The following NTM variants were observed in gnomAD, a reference collection of about 807,000 sequenced individuals.
The protein encoded by NTM is IgLON family member 2.
A neutral mutation model predicts 42.1 loss-of-function variants in NTM; 13 were observed. The observed-to-expected ratio is 0.31, with a 90% CI of 0.20 to 0.49. The LOEUF is 0.49. NTM is among the 20% of genes least tolerant of loss of function. The pLI is 0.99. For synonymous variants in NTM, 187 were observed against 179.2 expected, an observed-to-expected ratio of 1.04 and a Z score of -0.35; for missense variants, 373 against 452.8, an observed-to-expected ratio of 0.82 and a Z score of 1.60.
intron 2 of NTM, among the ~76,000 whole-genome samples, chr11:132,106,132 C>T (rs1222704069): frequency 1.3e-5 from 2 of 152,154 alleles, no homozygotes; most frequent in Non-Finnish European, 2.9e-5. Context: ...GCCATTATCC[C>T]ACATAATATT....
At chr11:131,500,577 ATTTTTTTTT>A (rs71475759) in intron 1 of NTM, among the ~76,000 whole-genome samples, 131 of 76,192 alleles carry the variant, frequency 1.7e-3, no homozygotes, top group African/African-American at 0.01. Context: ...ATATATATAT[ATTTTTTTTT>A]TTTTTTTTTG....
chr11:132,255,729 G>A (rs2139445126), intron 4 of NTM, among the ~76,000 whole-genome samples: 1 of 152,228 alleles, frequency 6.6e-6, no homozygotes, highest in East Asian at 1.9e-4. Context: ...CTGACTCTTG[G>A]CTGGAATGTG....
At chr11:132,108,849 A>G (rs1431093830) in intron 2 of NTM, among the ~76,000 whole-genome samples, 1 of 151,850 alleles carries the variant, frequency 6.6e-6, no homozygotes, top group Non-Finnish European at 1.5e-5. Flanking sequence ...TGCCATCCTT[A>G]CCCCCACTCA....
rs145952632 is a variant in NTM, at chr11:131,455,286, C to T, written c.82+84398C>T. Among the ~76,000 whole-genome samples, 282 of 152,226 alleles carry T rather than the reference C, an allele frequency of 1.9e-3. 2 individuals are homozygous for T. Among genetic ancestry groups the T allele is most frequent in the South Asian group, 0.013 (63 of 4,830 alleles). The stretch of plus-strand genomic sequence containing the variant: ...AGATGCAGGAGGTGTTACGAGTAGA[C>T]GGCCCAAGCGGAGGCTCACCCCAGA... On this transcript the variant is annotated intron_variant, in intron 1 of 8. Coordinates refer to ENST00000683400, the MANE Select transcript of NTM (RefSeq NM_001352005.2).
chr11:131,525,853 G>A (rs1226003003), intron 1 of NTM, among the ~76,000 whole-genome samples: 1 of 152,170 alleles, frequency 6.6e-6, no homozygotes, highest in African/African-American at 2.4e-5. Flanking sequence ...TAATGTGTGT[G>A]TGTGTGTGCA....
At position 132,021,414 on chromosome 11, in the gene NTM, A is replaced by G. The variant is rs182185181; in HGVS notation, c.167+109766A>G. Reference sequence around the variant, plus strand: ...GTTTCTATTGCCTACTTTGTTTTGTATGGGTCACAGTTTCCTCTTTCCTTG... The same window carrying G: ...GTTTCTATTGCCTACTTTGTTTTGTGTGGGTCACAGTTTCCTCTTTCCTTG... On this transcript the variant is annotated intron_variant, in intron 2 of 8. Coordinates refer to ENST00000683400, the MANE Select transcript of NTM (RefSeq NM_001352005.2). 5.7e-4 allele frequency among the ~76,000 whole-genome samples: 86 copies of G among 152,208 alleles called. 1 individual carries two copies. In the Middle Eastern group the frequency reaches 0.01, roughly 18 times the overall value.
At chr11:132,191,638 T>C (rs1755530049) in intron 3 of NTM, among the ~76,000 whole-genome samples, 1 of 152,272 alleles carries the variant, frequency 6.6e-6, no homozygotes, top group African/African-American at 2.4e-5. Flanking sequence ...TACCTCCAAA[T>C]GATCACACTA....
chr11:131,786,407 C>A (rs913633238), intron 1 of NTM, among the ~76,000 whole-genome samples: 2 of 152,140 alleles, frequency 1.3e-5, no homozygotes, highest in Admixed American at 6.5e-5. Context: ...TCTGTGTTTG[C>A]AGTTTGGGTA....
At chr11:131,934,155 A>G (rs766294939) in intron 2 of NTM, among the ~76,000 whole-genome samples, 1 of 152,236 alleles carries the variant, frequency 6.6e-6, no homozygotes, top group Non-Finnish European at 1.5e-5. Flanking sequence ...AAGCAAGAAC[A>G]CAATAAAATG....
At chr11:131,685,448 T>C (rs1041504342) in intron 1 of NTM, among the ~76,000 whole-genome samples, 1 of 152,178 alleles carries the variant, frequency 6.6e-6, no homozygotes, top group Non-Finnish European at 1.5e-5. Flanking sequence ...TCTGATCCCG[T>C]CTGTTTCTGA....
chr11:131,695,597 G>A (rs2075349221), intron 1 of NTM, among the ~76,000 whole-genome samples: 1 of 152,154 alleles, frequency 6.6e-6, no homozygotes. Context: ...GTCCTTTGAA[G>A]TGGGGTGTTT....
intron 2 of NTM, among the ~76,000 whole-genome samples, chr11:131,918,202 C>G (rs571932095): frequency 6.6e-6 from 1 of 152,270 alleles, no homozygotes; most frequent in East Asian, 1.9e-4. Context: ...CACTTTCCAT[C>G]CCCAGGCTGT....
intron 7 of NTM, among the ~76,000 whole-genome samples, chr11:132,319,099 A>G (rs2095501446): frequency 6.6e-6 from 1 of 152,232 alleles, no homozygotes; most frequent in Admixed American, 6.5e-5. Flanking sequence ...GTATTCACAG[A>G]CGTAAAATAG....
intron 7 of NTM, among the ~76,000 whole-genome samples, chr11:132,321,072 G>A (rs1206656208): frequency 1.3e-5 from 2 of 151,832 alleles, no homozygotes; most frequent in African/African-American, 4.8e-5. Context: ...CACAAAGATG[G>A]GGAAAAAACA....
At chr11:131,801,011 C>T (rs1186761044) in intron 1 of NTM, among the ~76,000 whole-genome samples, 3 of 152,094 alleles carry the variant, frequency 2.0e-5, no homozygotes, top group Non-Finnish European at 2.9e-5. Context: ...TGTTGGGACT[C>T]TCAGAGATGT....
At chr11:131,682,886 C>T (rs1025564717) in intron 1 of NTM, among the ~76,000 whole-genome samples, 1 of 151,788 alleles carries the variant, frequency 6.6e-6, no homozygotes, top group Non-Finnish European at 1.5e-5. Context: ...CGCCCACACT[C>T]CCTCTGCACA....
intron 2 of NTM, among the ~76,000 whole-genome samples, chr11:132,000,488 C>T (rs934803485): frequency 6.6e-6 from 1 of 152,118 alleles, no homozygotes; most frequent in Non-Finnish European, 1.5e-5. Context: ...AAATGAATTA[C>T]GGAGGATATG....
chr11:132,152,397 G>C (rs1257252684), intron 3 of NTM, among the ~76,000 whole-genome samples: 2 of 152,218 alleles, frequency 1.3e-5, no homozygotes, highest in Non-Finnish European at 2.9e-5. Flanking sequence ...CTGTGTGACA[G>C]ATAGTGGGGG....
At chr11:132,300,406 T>C (rs1413120536) in intron 4 of NTM, among the ~76,000 whole-genome samples, 1 of 152,186 alleles carries the variant, frequency 6.6e-6, no homozygotes, top group Non-Finnish European at 1.5e-5. Flanking sequence ...GAATCTGAAG[T>C]GCACAGAACT....
Sources: allele counts gnomAD v4.1 joint callset (sites outside exome capture counted in the v4.1 genomes callset), GRCh38; gene constraint gnomAD v4.1.1; transcripts MANE v1.5; gene names NCBI Gene and HGNC (gene_info 2026-07-23, HGNC 2026-07-21).